KNG1: variants seen among roughly 807,000 people sequenced by gnomAD.
The protein encoded by KNG1 is kininogen 1.
A neutral mutation model predicts 47.8 loss-of-function variants in KNG1; 23 were observed. The observed-to-expected ratio is 0.48, with a 90% confidence interval of 0.35 to 0.68. The LOEUF (loss-of-function observed/expected upper bound fraction) is 0.68, where lower values mean the gene tolerates loss of function less well. Among genes scored for constraint, KNG1 ranks in the 30% least tolerant of loss-of-function variants. The pLI is 0.01. For missense variants in KNG1, 762 were observed against 790.2 expected, an observed-to-expected ratio of 0.96 and a Z score of 0.43; for synonymous variants, 277 against 277.0, an observed-to-expected ratio of 1.00 and a Z score of 0.00.
chr3:186,742,610 A>T lies in KNG1; in HGVS notation c.*279A>T. On this transcript the variant is annotated 3_prime_UTR_variant, in exon 10 of 10. Coordinates refer to ENST00000644859, the MANE Select transcript of KNG1 (RefSeq NM_001102416.3). ...ACTAATGTGCCGTATGGCCTGCTGC[A>T]ATTGGCTTCTCTGATAACAAATATG... 5.6e-6 allele frequency: 7 copies of T among 1,258,540 alleles called. No individual in the cohort carries two copies. Among genetic ancestry groups the T allele is most frequent in the Non-Finnish European group, 7.0e-6 (7 of 997,486 alleles). The allele number at this position is 1,258,540 out of a possible 1,614,324, so 78.0% of individuals were successfully genotyped here.
In KNG1 at chr3:186,742,973, A is replaced by AG. The variant is rs35957661; in HGVS notation, c.*648dup. ...AAGACAGGTTGGCCAAAGGGAGGAA[A>AG]GGGGGGACATAAATTAATTGACTTT... On this transcript the variant is annotated 3_prime_UTR_variant, in exon 10 of 10. Transcript: ENST00000644859. 6.1e-6 allele frequency: 6 copies of AG among 983,466 alleles called. No individual in the cohort carries two copies. The highest frequency in any genetic ancestry group is 7.2e-6 in the Non-Finnish European group (6 of 828,182). The allele number at this position is 983,466 out of a possible 1,614,324, so 60.9% of individuals were successfully genotyped here.
intron 7 of KNG1, among the ~76,000 whole-genome samples, chr3:186,735,338 C>A (rs763685867): frequency 6.6e-6 from 1 of 152,064 alleles, no homozygotes. Flanking sequence ...GAATTAAAGG[C>A]CAGGCGTGGT....
rs930806086 is a variant in KNG1, at chr3:186,725,102, G to T, written c.406G>T (p.Val136Leu). Residue 136 changes from valine (V) to leucine (L), a missense_variant, in exon 4 of 10, where the codon GTG becomes TTG. Physicochemically the swap from Val to Leu is conservative, Grantham distance 32 (BLOSUM62 1). Transcript: ENST00000644859. The part of the protein sequence containing the change: ...CQITPAEGPV[V>L]TAQYDCLGCV... Reference sequence around the variant, plus strand: ...TCTTTGTTAAGCCGAGGGCCCTGTGGTGACAGCCCAGTACGACTGCCTCGG... The same window carrying T: ...TCTTTGTTAAGCCGAGGGCCCTGTGTTGACAGCCCAGTACGACTGCCTCGG... 1 of 1,614,036 alleles carries T rather than the reference G, an allele frequency of 6.2e-7. No homozygotes were observed. The highest frequency in any genetic ancestry group is 8.5e-7 in the Non-Finnish European group (1 of 1,180,018).
rs190654068 is a variant in KNG1, at chr3:186,724,154, C to T, written c.392-934C>T. Among the ~76,000 whole-genome samples the T allele has an allele frequency of 7.2e-5, 11 of 152,260 alleles. No homozygotes were observed. The East Asian group carries it at 1.5e-3, about 21-fold the overall frequency. Reference sequence around the variant, plus strand: ...GTGTTTTCATTTTTTGAGGAATCTCCGCACTATTTTCCATAGTGGTTGCAC... The same window carrying T: ...GTGTTTTCATTTTTTGAGGAATCTCTGCACTATTTTCCATAGTGGTTGCAC... On this transcript the variant is annotated intron_variant, in intron 3 of 9. Coordinates refer to ENST00000644859, the MANE Select transcript of KNG1 (RefSeq NM_001102416.3).
rs989374515 is a variant in KNG1, at chr3:186,725,095, C to T, written c.399C>T (p.Gly133=). The change falls in exon 4 of 10, where the codon GGC becomes GGT. Residue 133 remains glycine (G), a synonymous_variant. Transcript: ENST00000644859. ...TQTCQITPAE[G]PVVTAQYDCL... The stretch of plus-strand genomic sequence containing the variant: ...TGTCTGCTCTTTGTTAAGCCGAGGG[C>T]CCTGTGGTGACAGCCCAGTACGACT... The T allele has an allele frequency of 8.1e-6, 13 of 1,613,926 alleles. No homozygotes were observed. The highest frequency in any genetic ancestry group is 1.1e-5 in the Non-Finnish European group (13 of 1,180,022).
At chr3:186,721,123 AC>A (rs1720185007) in intron 2 of KNG1, 1 of 152,054 alleles carries the variant, frequency 6.6e-6, no homozygotes, top group African/African-American at 2.4e-5. Flanking sequence ...AAGATTTCAG[AC>A]AGTATCTGCC....
chr3:186,739,022 C>T lies in KNG1; in HGVS notation c.931-77C>T, dbSNP rs183015935. 4.1e-4 allele frequency: 502 copies of T among 1,214,522 alleles called. 2 individuals are homozygous for T. The African/African-American group carries it at 6.6e-3, about 16-fold the overall frequency. The allele number at this position is 1,214,522 out of a possible 1,614,324, so 75.2% of individuals were successfully genotyped here. On this transcript the variant is annotated intron_variant, in intron 7 of 9. Transcript: ENST00000644859. ...GTCAATTAAAATTTCAAGATTCTCCCTTAACATTTCTTAAAGATAAATGAT... is the reference window on the plus strand; with the variant it reads ...GTCAATTAAAATTTCAAGATTCTCCTTTAACATTTCTTAAAGATAAATGAT...
chr3:186,732,361 G>A (rs566550130), intron 6 of KNG1, 141 bp from the exon 7 acceptor site: 4 of 742,598 alleles, frequency 5.4e-6, no homozygotes, highest in African/African-American at 3.4e-5. Context: ...AAGTCAGACA[G>A]ACAACCTTCC....
At position 186,731,495 on chromosome 3, in the gene KNG1, A is replaced by G. The variant is rs373927326; in HGVS notation, c.673-50A>G. 774 of 1,058,292 alleles carry G rather than the reference A, an allele frequency of 7.3e-4. 2 individuals are homozygous for G. The highest frequency in any genetic ancestry group is 9.8e-4 in the South Asian group (77 of 78,336). 65.6% of individuals were successfully genotyped at this position (1,058,292 alleles called of 1,614,324 possible). ...ATTTTACTAGTTGTTTACTTTTAAG[A>G]CTCTAAAAAATGTTTTTAACTGAGC... On this transcript the variant is annotated intron_variant, in intron 5 of 9. Coordinates refer to ENST00000644859, the MANE Select transcript of KNG1 (RefSeq NM_001102416.3).
Position 186,725,550 on chromosome 3 carries a change from T to C in KNG1, c.564+290T>C, listed in dbSNP as rs558004440. ...AGTCATACCGGCCTTAGGATTTTTT[T>C]TTTTTTTTTTTTGAGACAGAGTCTC... On this transcript the variant is annotated intron_variant, in intron 4 of 9. Transcript: ENST00000644859. 1.9e-3 allele frequency among the ~76,000 whole-genome samples: 233 copies of C among 123,698 alleles called. 16 individuals carry two copies. Among genetic ancestry groups the C allele is most frequent in the African/African-American group, 6.8e-3 (219 of 32,102 alleles). The allele number at this position is 123,698 out of a possible 152,430, so 81.2% of individuals were successfully genotyped here. A position where few individuals can be genotyped will look rare whatever the true frequency, so the allele number is the denominator to read the frequency against.
At position 186,743,904 on chromosome 3, in the gene KNG1, T is replaced by C; in HGVS notation, c.*1573T>C. On this transcript the variant is annotated 3_prime_UTR_variant, in exon 10 of 10. Transcript: ENST00000644859. ...TTAAATAGAGAAGAATGCCATTTTA[T>C]CACTCTGCCTCTGGGTGAAATAAAG... 1.3e-6 allele frequency: 1 copy of C among 753,256 alleles called. No homozygotes were observed. Among genetic ancestry groups the C allele is most frequent in the South Asian group, 1.5e-5 (1 of 68,742 alleles). The allele number at this position is 753,256 out of a possible 1,614,324, so 46.7% of individuals were successfully genotyped here. A position where few individuals can be genotyped will look rare whatever the true frequency, so the allele number is the denominator to read the frequency against.
At chr3:186,733,354 C>G (rs1720589466) in intron 7 of KNG1, among the ~76,000 whole-genome samples, 1 of 152,186 alleles carries the variant, frequency 6.6e-6, no homozygotes. Context: ...ACTCATCTCT[C>G]ATTATAACAT....
intron 5 of KNG1, among the ~76,000 whole-genome samples, chr3:186,729,361 C>T (rs1206397087): frequency 6.6e-6 from 1 of 152,176 alleles, no homozygotes; most frequent in Admixed American, 6.6e-5. Flanking sequence ...TATTCAAACA[C>T]GTGTTTATAC....
rs548880083 is a variant in KNG1 at position 186,726,402 on chromosome 3, G to C, written c.565-835G>C. 7.3e-5 allele frequency among the ~76,000 whole-genome samples: 11 copies of C among 150,688 alleles called. 1 individual carries two copies. In the South Asian group the frequency reaches 2.3e-3, roughly 31 times the overall value. On this transcript the variant is annotated intron_variant, in intron 4 of 9. Transcript: ENST00000644859. ...ACCTCCCAAGTTTAAGAGATCTCCT[G>C]CCTCAGTATCCCAAGTAACTGGGAT... is the stretch of plus-strand genomic sequence containing the variant.
In KNG1 at chr3:186,717,503, T is replaced by C; in HGVS notation, c.-40T>C. On this transcript the variant is annotated 5_prime_UTR_variant, in exon 1 of 10. Transcript: ENST00000644859. ...ATCCCAGTTGGCTCTTGATTCTTGG[T>C]GAAACCATCCCTCAGCTCCTAGAGG... The C allele has an allele frequency of 6.7e-7, 1 of 1,486,946 alleles. No individual in the cohort carries two copies. Among genetic ancestry groups the C allele is most frequent in the Non-Finnish European group, 9.4e-7 (1 of 1,066,178 alleles). The allele number at this position is 1,486,946 out of a possible 1,614,324, so 92.1% of individuals were successfully genotyped here.
chr3:186,739,895 T>C (rs1239295453), intron 9 of KNG1, among the ~76,000 whole-genome samples: 1 of 151,810 alleles, frequency 6.6e-6, no homozygotes. Context: ...CTACTGAAAA[T>C]ACAACAATTA....
chr3:186,742,093 C>T lies in KNG1; in HGVS notation c.1697C>T (p.Ser566Phe). The T allele has an allele frequency of 6.2e-7, 1 of 1,614,086 alleles. No homozygotes were observed. Residue 566 changes from serine to phenylalanine, a missense_variant, in exon 10 of 10, where the codon TCT (serine) becomes TTT (phenylalanine). Coordinates refer to ENST00000644859, the MANE Select transcript of KNG1 (RefSeq NM_001102416.3). ...VTVTFSDFQDSDLIATMMPPI... is the reference protein window; with the variant it reads ...VTVTFSDFQDFDLIATMMPPI... ...GTTACCTTTTCTGACTTTCAGGACTCTGATCTCATTGCAACTATGATGCCT... is the reference window on the plus strand; with the variant it reads ...GTTACCTTTTCTGACTTTCAGGACTTTGATCTCATTGCAACTATGATGCCT...
chr3:186,725,872 G>C (rs1370537332), intron 4 of KNG1, among the ~76,000 whole-genome samples: 4 of 145,816 alleles, frequency 2.7e-5, no homozygotes, highest in Non-Finnish European at 3.0e-5. Context: ...AAAATGGTCG[G>C]CATGGCTTTC....
intron 6 of KNG1, 59 bp from the exon 7 acceptor site, chr3:186,732,443 G>A (rs1440414639): frequency 1.3e-6 from 2 of 1,517,200 alleles, no homozygotes; most frequent in Non-Finnish European, 1.8e-6. Context: ...GTGCAGGAGG[G>A]ATGCTAGGCC....
Sources: gnomAD v4.1 joint callset for allele counts (sites outside exome capture counted in the v4.1 genomes callset) on GRCh38, gnomAD v4.1.1 for gene constraint, MANE v1.5 for transcripts, NCBI Gene and HGNC (gene_info 2026-07-23, HGNC 2026-07-21) for gene names.